Variants in RIT1 observed in about 807,000 individuals in gnomAD.
RIT1 encodes the protein GTP-binding protein Rit1.
A neutral mutation model predicts 25.6 loss-of-function variants in RIT1; 6 were observed. That is an observed-to-expected ratio of 0.23 (90% CI 0.13 to 0.46). RIT1 has a LOEUF of 0.46. Among genes scored for constraint, RIT1 ranks in the 20% least tolerant of loss-of-function variants. RIT1 has a pLI of 0.99. For missense variants in RIT1, 219 were observed against 284.4 expected (o/e 0.77, Z 1.65); for synonymous variants, 81 against 94.1 (o/e 0.86, Z 0.80).
intron 3 of RIT1, among the ~76,000 whole-genome samples, chr1:155,908,861 C>A (rs904754029): frequency 6.6e-6 from 1 of 151,902 alleles, no homozygotes; most frequent in African/African-American, 2.4e-5. Flanking sequence ...CCGCGCCTGG[C>A]CTGAATCTCT....
chr1:155,898,541 A>ATATATATATATATATATATC lies in RIT1; in HGVS notation c.*1846_*1847insGATATATATATATATATATA, dbSNP rs543706593. On this transcript the variant is annotated 3_prime_UTR_variant, in exon 6 of 6. Coordinates refer to ENST00000368323, the MANE Select transcript of RIT1 (RefSeq NM_006912.6). ...AAAATATATATATATATATATATAT[A>ATATATATATATATATATATC]TATCTCTTAATGTTAATAACAATTC... 1.6e-4 allele frequency: 19 copies of ATATATATATATATATATATC among 117,318 alleles called. No homozygotes were observed. Among genetic ancestry groups the ATATATATATATATATATATC allele is most frequent in the Middle Eastern group, 4.7e-3 (1 of 212 alleles). 7.3% of individuals were successfully genotyped at this position (117,318 alleles called of 1,614,324 possible).
intron 5 of RIT1, among the ~76,000 whole-genome samples, chr1:155,902,297 A>G (rs1673327325): frequency 6.6e-6 from 1 of 152,030 alleles, no homozygotes; most frequent in Non-Finnish European, 1.5e-5. Flanking sequence ...AATGCTACTG[A>G]AAAAAATCTG....
intron 5 of RIT1, among the ~76,000 whole-genome samples, chr1:155,902,378 AAAG>A (rs1248146507): frequency 1.3e-5 from 2 of 151,770 alleles, no homozygotes; most frequent in Non-Finnish European, 2.9e-5. Flanking sequence ...AAAAAAAAGA[AAAG>A]AAAAATTAGC....
rs189052960 is a variant in RIT1 at position 155,903,882 on chromosome 1, C to T, written c.429+429G>A. Among the ~76,000 whole-genome samples, 173 of 152,290 alleles carry T rather than the reference C, an allele frequency of 1.1e-3. 1 individual carries two copies. The highest frequency in any genetic ancestry group is 3.4e-3 in the Middle Eastern group (1 of 294). ...ACAATTAGCTGGGAGTGGTGGCACA[C>T]GCCTGTGGTCCCAGCTACCCTCAAA... On this transcript the variant is annotated intron_variant, in intron 5 of 5. Coordinates refer to ENST00000368323, the MANE Select transcript of RIT1 (RefSeq NM_006912.6).
chr1:155,908,015 C>T (rs1212392560), intron 3 of RIT1, among the ~76,000 whole-genome samples: 4 of 149,272 alleles, frequency 2.7e-5, no homozygotes, highest in East Asian at 2.0e-4. Context: ...GCATGAACCC[C>T]GGGGGGGCGG....
At chr1:155,904,101 G>A (rs938512143) in intron 5 of RIT1, among the ~76,000 whole-genome samples, 5 of 151,990 alleles carry the variant, frequency 3.3e-5, no homozygotes, top group Admixed American at 6.6e-5. Flanking sequence ...ATGGGGTTTC[G>A]CCATGTTGCT....
At position 155,909,869 on chromosome 1, in the gene RIT1, C is replaced by T. The variant is rs557698816; in HGVS notation, c.163+581G>A. On this transcript the variant is annotated intron_variant, in intron 3 of 5. Transcript: ENST00000368323. ...CCCGGGAGGCGGAGGTTACAGTGAC[C>T]GGAGATCGCACCATTGCCCTCCAGC... Among the ~76,000 whole-genome samples, 184 of 137,556 alleles carry T rather than the reference C, an allele frequency of 1.3e-3. 1 individual carries two copies. The highest frequency in any genetic ancestry group is 4.4e-3 in the African/African-American group (166 of 37,854). The allele number at this position is 137,556 out of a possible 152,430, so 90.2% of individuals were successfully genotyped here.
At position 155,900,038 on chromosome 1, in the gene RIT1, G is replaced by A. The variant is rs1335550427; in HGVS notation, c.*350C>T. ...CAGGAAATTGAAATTAAAGGATAAT[G>A]TGGAGTGCAGAGCCAAAAACTTCCC... is the stretch of plus-strand genomic sequence containing the variant. On this transcript the variant is annotated 3_prime_UTR_variant, in exon 6 of 6. Coordinates refer to ENST00000368323, the MANE Select transcript of RIT1 (RefSeq NM_006912.6). The A allele has an allele frequency of 3.5e-6, 1 of 283,952 alleles. No homozygotes were observed. The highest frequency in any genetic ancestry group is 5.6e-5 in the East Asian group (1 of 17,944). The allele number at this position is 283,952 out of a possible 1,614,324, so 17.6% of individuals were successfully genotyped here. A position where few individuals can be genotyped will look rare whatever the true frequency, so the allele number is the denominator to read the frequency against.
chr1:155,906,206 A>G (rs909250487), intron 3 of RIT1, among the ~76,000 whole-genome samples: 10 of 152,142 alleles, frequency 6.6e-5, no homozygotes, highest in African/African-American at 2.4e-5. Context: ...GCATATTACT[A>G]TAGTAACCTT....
intron 5 of RIT1, among the ~76,000 whole-genome samples, chr1:155,903,452 CAAAAAAAAAAAAA>C (rs1192641376): frequency 3.7e-5 from 2 of 53,730 alleles, no homozygotes; most frequent in Non-Finnish European, 7.0e-5. Flanking sequence ...GACTCTGTCT[CAAAAAAAAAAAAA>C]AAAAAAAAAG....
Position 155,900,441 on chromosome 1 carries a change from C to T in RIT1, c.607G>A (p.Val203Ile). The change falls in exon 6 of 6, where the codon GTA becomes ATA. Residue 203 changes from valine (V) to isoleucine (I), a missense_variant. Val to Ile is a conservative substitution (Grantham distance 29). Transcript: ENST00000368323. ...MEKKSKPKNS[V>I]WKRLKSPFRK... ...AATGGTGATTTTAGCCTCTTCCATA[C>T]ACTGTTTTTGGGCTTAGATTTTTTC... is the stretch of plus-strand genomic sequence containing the variant. 1.2e-6 allele frequency: 2 copies of T among 1,614,176 alleles called. No individual in the cohort carries two copies. Among genetic ancestry groups the T allele is most frequent in the Non-Finnish European group, 1.7e-6 (2 of 1,180,032 alleles).
At chr1:155,908,688 C>A (rs1673506827) in intron 3 of RIT1, among the ~76,000 whole-genome samples, 2 of 150,846 alleles carry the variant, frequency 1.3e-5, no homozygotes, top group South Asian at 4.2e-4. Flanking sequence ...TCAGCCCCCG[C>A]AGTAGCTGGG....
intron 1 of RIT1, chr1:155,911,029 T>A: frequency 1.0e-6 from 1 of 974,994 alleles, no homozygotes; most frequent in Non-Finnish European, 1.5e-6. Context: ...TTTTACTTTT[T>A]CCAAAGAGAA....
At chr1:155,910,313 G>T in intron 3 of RIT1, 137 bp downstream of exon 3, 1 of 706,552 alleles carries the variant, frequency 1.4e-6, no homozygotes, top group Non-Finnish European at 2.4e-6. Flanking sequence ...CTTACCAACT[G>T]CTGATACCCT....
At chr1:155,903,976 GC>G (rs1433906401) in intron 5 of RIT1, among the ~76,000 whole-genome samples, 1 of 152,200 alleles carries the variant, frequency 6.6e-6, no homozygotes, top group African/African-American at 2.4e-5. Flanking sequence ...CAACCTCACT[GC>G]AACCTCCACC....
chr1:155,907,856 C>T (rs1673481258), intron 3 of RIT1, among the ~76,000 whole-genome samples: 1 of 151,970 alleles, frequency 6.6e-6, no homozygotes, highest in Non-Finnish European at 1.5e-5. Flanking sequence ...TTTGGGAGGC[C>T]GAGGCGGACG....
At chr1:155,910,220 T>C in intron 3 of RIT1, 1 of 523,292 alleles carries the variant, frequency 1.9e-6, no homozygotes. Flanking sequence ...ACAAAGAGAG[T>C]TGTCCCATTA....
Position 155,898,439 on chromosome 1 carries a change from A to C in RIT1, c.*1949T>G, listed in dbSNP as rs1673229598. 1 of 136,224 alleles carries C rather than the reference A, an allele frequency of 7.3e-6. No individual in the cohort carries two copies. Among genetic ancestry groups the C allele is most frequent in the Non-Finnish European group, 1.5e-5 (1 of 65,268 alleles). The allele number at this position is 136,224 out of a possible 1,614,324, so 8.4% of individuals were successfully genotyped here. On this transcript the variant is annotated 3_prime_UTR_variant, in exon 6 of 6. Transcript: ENST00000368323. ...CCCAGCATATTGGGAGGATTGCTTG[A>C]GCCTAGGAGTTCGAGATCAGCCTGG...
rs181552460 is a variant in RIT1, at chr1:155,905,776, T to C, written c.164-972A>G. On this transcript the variant is annotated intron_variant, in intron 3 of 5. Coordinates refer to ENST00000368323, the MANE Select transcript of RIT1 (RefSeq NM_006912.6). ...CTGAACTGAAAAGCATTATTAACCA[T>C]GTGTTATACTTCCTCCTCAATACTA... is the stretch of plus-strand genomic sequence containing the variant. Among the ~76,000 whole-genome samples, 52 of 152,160 alleles carry C rather than the reference T, an allele frequency of 3.4e-4. 1 individual carries two copies. The East Asian group carries it at 7.1e-3, about 21-fold the overall frequency.
Sources: allele counts gnomAD v4.1 joint callset (sites outside exome capture counted in the v4.1 genomes callset), GRCh38; gene constraint gnomAD v4.1.1; transcripts MANE v1.5; gene names NCBI Gene and HGNC (gene_info 2026-07-23, HGNC 2026-07-21).